The following RAB31 variants were observed in gnomAD, a reference collection of about 807,000 sequenced individuals.
The protein encoded by RAB31 is RAB31, member RAS oncogene family, also known as ras-related protein Rab-31.
A neutral mutation model predicts 25.6 loss-of-function variants in RAB31; 21 were observed. The ratio of observed to expected loss-of-function variants is 0.82; its 90% CI spans 0.58 to 1.18. The LOEUF is 1.18. Ranked by LOEUF, RAB31 falls within the 50% of genes most tolerant of loss-of-function variation. The probability of loss-of-function intolerance (pLI) is 0.00; values close to 1 mark genes in which losing one functional copy is unlikely to be tolerated. For missense variants in RAB31, 196 were observed against 250.1 expected (o/e 0.78, Z 1.46); for synonymous variants, 87 against 84.0 (o/e 1.04, Z -0.20).
intron 3 of RAB31, among the ~76,000 whole-genome samples, chr18:9,813,060 T>C (rs376661167): frequency 6.6e-6 from 1 of 152,226 alleles, no homozygotes; most frequent in Non-Finnish European, 1.5e-5. Context: ...CTCCAAAATA[T>C]ACATAAAATG....
chr18:9,755,382 C>T (rs947329430), intron 1 of RAB31, among the ~76,000 whole-genome samples: 1 of 152,166 alleles, frequency 6.6e-6, no homozygotes, highest in African/African-American at 2.4e-5. Flanking sequence ...CCATCAGTGC[C>T]CTTGGCCTTA....
rs769184201 is a variant in RAB31, at chr18:9,859,305, G to A, written c.568G>A (p.Ala190Thr). 6.2e-7 allele frequency: 1 copy of A among 1,613,144 alleles called. No homozygotes were observed. Among genetic ancestry groups the A allele is most frequent in the Non-Finnish European group, 8.5e-7 (1 of 1,179,210 alleles). The change falls in exon 7 of 7, where the codon GCC (alanine) becomes ACC (threonine). Residue 190 changes from alanine (A) to threonine (T), a missense_variant. Ala to Thr is a moderately conservative substitution (Grantham distance 58). Coordinates refer to ENST00000578921, the MANE Select transcript of RAB31 (RefSeq NM_006868.4). ...TIKVEKPTMQASRRCC is the reference protein window; with the variant it reads ...TIKVEKPTMQTSRRCC ...CAAAGTTGAGAAGCCAACCATGCAA[G>A]CCAGCCGCCGGTGCTGTTGACCCAA...
chr18:9,839,904 C>T (rs1193532030), intron 5 of RAB31, among the ~76,000 whole-genome samples: 3 of 152,186 alleles, frequency 2.0e-5, no homozygotes, highest in Non-Finnish European at 4.4e-5. Context: ...GTCCCGCAGC[C>T]GTTCCTGCGG....
intron 3 of RAB31, among the ~76,000 whole-genome samples, chr18:9,806,174 C>G (rs1456692187): frequency 1.7e-5 from 2 of 120,754 alleles, no homozygotes; most frequent in East Asian, 2.2e-4. Flanking sequence ...GAGACTCCGT[C>G]TCAAAAAAAA....
intron 6 of RAB31, among the ~76,000 whole-genome samples, chr18:9,857,244 G>A (rs1000928961): frequency 2.2e-4 from 28 of 126,508 alleles, no homozygotes; most frequent in African/African-American, 7.7e-4. Context: ...TTATGCTGAA[G>A]CTTTGGTGAC....
chr18:9,708,481 C>A lies in RAB31; in HGVS notation c.39+37C>A. 2 of 1,535,468 alleles carry A rather than the reference C, an allele frequency of 1.3e-6. No homozygotes were observed. Among genetic ancestry groups the A allele is most frequent in the Non-Finnish European group, 1.8e-6 (2 of 1,140,868 alleles). ...CCGCCACCCGCCGGCGGACCCCGGC[C>A]CGCGCTCTCGCGCCCCTTCGCTCCC... On this transcript the variant is annotated intron_variant, in intron 1 of 6. Transcript: ENST00000578921. This position sits in a 1 kb window ranked among gnomAD's most constrained non-coding sequence, Gnocchi z 6.4.
chr18:9,820,387 G>A (rs1568187750), intron 5 of RAB31, among the ~76,000 whole-genome samples: 1 of 151,982 alleles, frequency 6.6e-6, no homozygotes, highest in Admixed American at 6.6e-5. Flanking sequence ...TTTATACATT[G>A]CTGGGTTTAG....
At chr18:9,850,800 A>G (rs1174964126) in intron 6 of RAB31, among the ~76,000 whole-genome samples, 1 of 152,168 alleles carries the variant, frequency 6.6e-6, no homozygotes. Context: ...CAGGAGTTTG[A>G]GGCTGCAGTG....
chr18:9,744,853 C>T (rs1330047089), intron 1 of RAB31, among the ~76,000 whole-genome samples: 2 of 151,976 alleles, frequency 1.3e-5, no homozygotes, highest in Non-Finnish European at 2.9e-5. Flanking sequence ...TAAACACCTA[C>T]ATTAAAAAAA....
chr18:9,732,331 G>A (rs1341532194), intron 1 of RAB31, among the ~76,000 whole-genome samples: 2 of 116,746 alleles, frequency 1.7e-5, no homozygotes, highest in Admixed American at 1.8e-4. Flanking sequence ...TCTGTCTCCA[G>A]AGAAACCTCC....
intron 1 of RAB31, among the ~76,000 whole-genome samples, chr18:9,774,657 A>G (rs1301313087): frequency 6.6e-6 from 1 of 152,224 alleles, no homozygotes; most frequent in Non-Finnish European, 1.5e-5. Flanking sequence ...GGGAGTGGAT[A>G]TAAATGCGTG....
chr18:9,849,784 C>T (rs953277155), intron 6 of RAB31: 4 of 152,254 alleles, frequency 2.6e-5, no homozygotes, highest in African/African-American at 9.7e-5. Context: ...GAGCAAACCG[C>T]AGGAGCCAAG....
chr18:9,839,873 G>A (rs2068723906), intron 5 of RAB31, among the ~76,000 whole-genome samples: 1 of 152,172 alleles, frequency 6.6e-6, no homozygotes, highest in South Asian at 2.1e-4. Context: ...CATCACCTGA[G>A]CCTGATTGGT....
intron 5 of RAB31, among the ~76,000 whole-genome samples, chr18:9,832,447 G>A (rs1005315406): frequency 3.3e-5 from 5 of 152,210 alleles, no homozygotes; most frequent in African/African-American, 9.6e-5. Flanking sequence ...AACCGTGGAC[G>A]ATCTGAATGA....
chr18:9,759,765 A>G (rs1036261923), intron 1 of RAB31, among the ~76,000 whole-genome samples: 5 of 151,976 alleles, frequency 3.3e-5, no homozygotes, highest in African/African-American at 1.2e-4. Flanking sequence ...ACTTGAATGG[A>G]AAGTTTAATT....
At chr18:9,714,401 T>TTTG (rs2068033774) in intron 1 of RAB31, among the ~76,000 whole-genome samples, 1 of 152,226 alleles carries the variant, frequency 6.6e-6, no homozygotes, top group African/African-American at 2.4e-5. Context: ...GAATCTAATG[T>TTTG]CACCATTGAT....
chr18:9,794,191 G>A (rs1280324946), intron 3 of RAB31, among the ~76,000 whole-genome samples: 1 of 152,080 alleles, frequency 6.6e-6, no homozygotes, highest in Non-Finnish European at 1.5e-5. Flanking sequence ...TACCATTTGG[G>A]GCCTTAATTC....
chr18:9,729,876 G>A (rs1190478491), intron 1 of RAB31, among the ~76,000 whole-genome samples: 1 of 152,096 alleles, frequency 6.6e-6, no homozygotes, highest in Non-Finnish European at 1.5e-5. Flanking sequence ...ACCCCTGGTT[G>A]TTTTTTTACT....
At chr18:9,745,101 A>G (rs1023416542) in intron 1 of RAB31, among the ~76,000 whole-genome samples, 1 of 152,186 alleles carries the variant, frequency 6.6e-6, no homozygotes, top group African/African-American at 2.4e-5. Context: ...TAAATCACTA[A>G]AATTAAAAAC....
Sources: gnomAD v4.1 joint callset for allele counts (sites outside exome capture counted in the v4.1 genomes callset) on GRCh38, gnomAD v4.1.1 for gene constraint, Gnocchi (gnomAD v3.1) non-coding constraint, MANE v1.5 for transcripts, NCBI Gene and HGNC (gene_info 2026-07-23, HGNC 2026-07-21) for gene names.